The following SLCO2A1 variants were observed in gnomAD, a reference collection of about 807,000 sequenced individuals.
The protein encoded by SLCO2A1 is matrin F/G 1.
Under a neutral mutation model 71.7 loss-of-function variants are expected in SLCO2A1, and 60 were observed. The ratio of observed to expected loss-of-function variants is 0.84; its 90% CI spans 0.68 to 1.04. The LOEUF (loss-of-function observed/expected upper bound fraction) is 1.04. Among genes scored for constraint, SLCO2A1 ranks in the 50% least tolerant of loss-of-function variants. The pLI is 0.00. For missense variants in SLCO2A1, 745 were observed against 813.4 expected, an observed-to-expected ratio of 0.92 and a Z score of 1.02; for synonymous variants, 308 against 326.7, an observed-to-expected ratio of 0.94 and a Z score of 0.62.
chr3:133,998,056 C>T (rs1461479305), intron 1 of SLCO2A1, among the ~76,000 whole-genome samples: 3 of 152,144 alleles, frequency 2.0e-5, no homozygotes, highest in Admixed American at 6.5e-5. Flanking sequence ...CAGCAAGAGC[C>T]GCCTCCTGCT....
intron 1 of SLCO2A1, among the ~76,000 whole-genome samples, chr3:134,011,173 C>A (rs1178463849): frequency 6.6e-6 from 1 of 152,192 alleles, no homozygotes; most frequent in Non-Finnish European, 1.5e-5. Flanking sequence ...GCCTCAGCCT[C>A]CCAAGTAGCT....
At chr3:133,944,587 C>T (rs967286710) in intron 10 of SLCO2A1, among the ~76,000 whole-genome samples, 2 of 152,220 alleles carry the variant, frequency 1.3e-5, no homozygotes, top group Non-Finnish European at 2.9e-5. Flanking sequence ...AGTGCCAGGT[C>T]AGCCCGAAAT....
chr3:133,973,630 T>C (rs1330476422), intron 3 of SLCO2A1, 33 bp downstream of exon 3: 2 of 1,607,610 alleles, frequency 1.2e-6, no homozygotes, highest in Non-Finnish European at 1.7e-6. Flanking sequence ...ACCCATTCCT[T>C]ACCCCTTGAG....
chr3:133,955,249 T>G, intron 3 of SLCO2A1, 56 bp from the exon 4 acceptor site: 1 of 1,506,854 alleles, frequency 6.6e-7, no homozygotes, highest in Non-Finnish European at 9.0e-7. Flanking sequence ...TTCCACCGGC[T>G]GGCCTCCAAA....
In SLCO2A1 at chr3:134,000,518, GGCGGT is replaced by G. The variant is rs998258809; in HGVS notation, c.97-20905_97-20901del. ...CAACTTGAGTCACACACCTGGGGAAGGCGGTGCAGGGAGCTAACTGGCAGGAGCAT... is the reference window on the plus strand; with the variant it reads ...CAACTTGAGTCACACACCTGGGGAAGGCAGGGAGCTAACTGGCAGGAGCAT... On this transcript the variant is annotated intron_variant, in intron 1 of 13. Coordinates refer to ENST00000310926, the MANE Select transcript of SLCO2A1 (RefSeq NM_005630.3). Among the ~76,000 whole-genome samples the G allele has an allele frequency of 4.2e-4, 64 of 152,264 alleles. 3 individuals carry two copies. The highest frequency in any genetic ancestry group is 1.5e-3 in the African/African-American group (61 of 41,530).
chr3:133,970,513 C>G (rs1457443524), intron 3 of SLCO2A1, among the ~76,000 whole-genome samples: 2 of 152,248 alleles, frequency 1.3e-5, no homozygotes, highest in Non-Finnish European at 2.9e-5. Flanking sequence ...TTAAGCTATT[C>G]CCATGAAGTA....
chr3:133,972,409 T>C (rs1934345858), intron 3 of SLCO2A1, among the ~76,000 whole-genome samples: 1 of 152,140 alleles, frequency 6.6e-6, no homozygotes, highest in Admixed American at 6.5e-5. Flanking sequence ...TGAAGCCATA[T>C]GTAAAAGGAG....
Position 133,935,847 on chromosome 3 carries a change from T to C in SLCO2A1, c.1741A>G (p.Ile581Val). ...LYGLTIDHSC[I>V]RWNSLCLGRR... ...CCCAAGCACAGCGAGTTCCACCGGATGCAGGAGTGGTCAATGGTGAGGCCA... is the reference window on the plus strand; with the variant it reads ...CCCAAGCACAGCGAGTTCCACCGGACGCAGGAGTGGTCAATGGTGAGGCCA... The change falls in exon 13 of 14, where the codon ATC (isoleucine) becomes GTC (valine). Residue 581 changes from isoleucine (I) to valine (V), a missense_variant. By Grantham distance (29) the Ile-to-Val change is conservative. Transcript: ENST00000310926. 1 of 1,611,536 alleles carries C rather than the reference T, an allele frequency of 6.2e-7. No individual in the cohort carries two copies. The highest frequency in any genetic ancestry group is 8.5e-7 in the Non-Finnish European group (1 of 1,178,530).
At chr3:133,970,308 G>A (rs760606217) in intron 3 of SLCO2A1, among the ~76,000 whole-genome samples, 5 of 152,060 alleles carry the variant, frequency 3.3e-5, no homozygotes, top group Non-Finnish European at 7.4e-5. Flanking sequence ...TCAGAGCAGG[G>A]AGGAGGTGGC....
intron 11 of SLCO2A1, 171 bp downstream of exon 11, chr3:133,942,434 G>T: frequency 1.4e-6 from 1 of 690,656 alleles, no homozygotes; most frequent in Non-Finnish European, 2.4e-6. Flanking sequence ...CAGCACTGTT[G>T]CCATTAGTAT....
chr3:134,019,250 C>G lies in SLCO2A1; in HGVS notation c.96+10457G>C, dbSNP rs114323628. Among the ~76,000 whole-genome samples, 1,362 of 152,242 alleles carry G rather than the reference C, an allele frequency of 8.9e-3. 19 individuals carry two copies. The highest frequency in any genetic ancestry group is 0.03 in the African/African-American group (1,234 of 41,540). ...TGGTTATGTGAACAATTTCACAATG[C>G]CTTGTTTTCCTCATTATTAATGAGG... On this transcript the variant is annotated intron_variant, in intron 1 of 13. Coordinates refer to ENST00000310926, the MANE Select transcript of SLCO2A1 (RefSeq NM_005630.3).
rs918440467 is a variant in SLCO2A1, at chr3:133,953,776, A to T, written c.626-15T>A. ...AAATAAGATGGCTGGAAAAGGAAGT[A>T]AGGGGAAGGAGACTGAGATAAATGG... On this transcript the variant is annotated splice_polypyrimidine_tract_variant and intron_variant, in intron 4 of 13. Transcript: ENST00000310926. 6.2e-7 allele frequency: 1 copy of T among 1,605,110 alleles called. No homozygotes were observed.
At chr3:133,992,452 G>A (rs1455239426) in intron 1 of SLCO2A1, among the ~76,000 whole-genome samples, 1 of 152,234 alleles carries the variant, frequency 6.6e-6, no homozygotes, top group Non-Finnish European at 1.5e-5. Context: ...GATAGGGACA[G>A]GAGGCAGAAA....
chr3:133,952,624 C>G (rs1038637288), intron 5 of SLCO2A1, among the ~76,000 whole-genome samples: 1 of 152,230 alleles, frequency 6.6e-6, no homozygotes, highest in African/African-American at 2.4e-5. Context: ...GGCTGGCTCC[C>G]TGAATGGTTA....
intron 3 of SLCO2A1, among the ~76,000 whole-genome samples, chr3:133,971,334 G>T (rs146802227): frequency 6.6e-6 from 1 of 152,268 alleles, no homozygotes; most frequent in Non-Finnish European, 1.5e-5. Flanking sequence ...GGGAGAAAGT[G>T]TATGGCAGGA....
chr3:133,979,453 G>A (rs1254389550), intron 2 of SLCO2A1, 28 bp downstream of exon 2: 4 of 1,614,030 alleles, frequency 2.5e-6, no homozygotes, highest in Non-Finnish European at 3.4e-6. Context: ...CACAAGTGGA[G>A]TCTGATGGAC....
intron 3 of SLCO2A1, among the ~76,000 whole-genome samples, chr3:133,965,509 C>T (rs1044310027): frequency 7.2e-5 from 11 of 152,314 alleles, no homozygotes; most frequent in Admixed American, 1.3e-4. Context: ...GACAGTCCAA[C>T]GGCTGATAAC....
chr3:133,944,928 G>A (rs887281541), intron 10 of SLCO2A1, among the ~76,000 whole-genome samples, 167 bp downstream of exon 10: 1 of 152,248 alleles, frequency 6.6e-6, no homozygotes. Flanking sequence ...CCAGGGTAGG[G>A]AGGTAGAGAG....
intron 2 of SLCO2A1, among the ~76,000 whole-genome samples, chr3:133,974,360 C>A (rs529247218): frequency 6.6e-6 from 1 of 152,290 alleles, no homozygotes; most frequent in African/African-American, 2.4e-5. Context: ...TTTTATCTGA[C>A]AAAACTGGGG....
Sources: gnomAD v4.1 joint callset for allele counts (sites outside exome capture counted in the v4.1 genomes callset) on GRCh38, gnomAD v4.1.1 for gene constraint, MANE v1.5 for transcripts, NCBI Gene and HGNC (gene_info 2026-07-23, HGNC 2026-07-21) for gene names.